Variants in TEAD1 observed in about 807,000 individuals in gnomAD.
The protein encoded by TEAD1 is TEA domain transcription factor 1.
A neutral mutation model predicts 54.9 loss-of-function variants in TEAD1; 9 were observed. The ratio of observed to expected loss-of-function variants is 0.16; its 90% confidence interval spans 0.10 to 0.29. The LOEUF (loss-of-function observed/expected upper bound fraction) is 0.29. Ranked by LOEUF, TEAD1 falls within the 10% of genes least tolerant of loss-of-function variation. TEAD1 has a pLI of 1.00. For missense variants in TEAD1, 387 were observed against 535.9 expected (o/e 0.72, Z 2.74); for synonymous variants, 200 against 187.8 (o/e 1.07, Z -0.53).
chr11:12,767,374 T>C (rs544979240), intron 3 of TEAD1, among the ~76,000 whole-genome samples: 1 of 152,326 alleles, frequency 6.6e-6, no homozygotes, highest in African/African-American at 2.4e-5. Flanking sequence ...TTGAATTCCA[T>C]GCAGTAAAAT....
intron 3 of TEAD1, among the ~76,000 whole-genome samples, chr11:12,807,384 A>G (rs548036032): frequency 1.3e-5 from 2 of 152,180 alleles, no homozygotes; most frequent in Non-Finnish European, 2.9e-5. Flanking sequence ...CAGTATGTTT[A>G]ATAGGTTAGT....
intron 3 of TEAD1, among the ~76,000 whole-genome samples, chr11:12,793,343 A>G (rs1412423256): frequency 1.3e-5 from 2 of 152,170 alleles, no homozygotes; most frequent in Non-Finnish European, 2.9e-5. Flanking sequence ...TGTCTGCTCT[A>G]CTAAAAAAGT....
At chr11:12,852,470 CAG>C (rs1345326897) in intron 3 of TEAD1, among the ~76,000 whole-genome samples, 54 of 142,014 alleles carry the variant, frequency 3.8e-4, no homozygotes, top group South Asian at 2.2e-3. Context: ...TTTTTCGAGA[CAG>C]AGTCTCACTC....
chr11:12,864,708 T>C, intron 4 of TEAD1, 130 bp from the exon 5 acceptor site: 1 of 1,591,230 alleles, frequency 6.3e-7, no homozygotes, highest in Non-Finnish European at 8.5e-7. Context: ...ATACAGGTCT[T>C]AGCAAGAAAG....
rs16911586 is a variant in TEAD1, at chr11:12,784,505, T to C, written c.202+20071T>C. ...GGAAGAAAGGCTAGGATAGAATCCA[T>C]TGGAAGCATTAAGAGTCATTGTCTT... On this transcript the variant is annotated intron_variant, in intron 3 of 12. Transcript: ENST00000527636. 4.6e-3 allele frequency among the ~76,000 whole-genome samples: 706 copies of C among 152,302 alleles called. 2 individuals carry two copies. The highest frequency in any genetic ancestry group is 0.013 in the African/African-American group (527 of 41,548).
chr11:12,712,091 C>G (rs1455476948), intron 2 of TEAD1, among the ~76,000 whole-genome samples: 3 of 152,144 alleles, frequency 2.0e-5, no homozygotes, highest in African/African-American at 7.2e-5. Context: ...GAGGGACATT[C>G]TCCATAACAG....
chr11:12,930,033 T>G, intron 11 of TEAD1, 141 bp from the exon 12 acceptor site: 1 of 886,584 alleles, frequency 1.1e-6, no homozygotes, highest in Non-Finnish European at 1.8e-6. Context: ...TTTTTTTTAA[T>G]TAAGTAGATT....
chr11:12,748,227 G>A (rs1461151698), intron 2 of TEAD1, among the ~76,000 whole-genome samples: 1 of 152,208 alleles, frequency 6.6e-6, no homozygotes, highest in African/African-American at 2.4e-5. Context: ...CTCCCAAAGT[G>A]CTGGGATTAC....
In TEAD1 at chr11:12,940,774, T is replaced by G. The variant is rs1042641560; in HGVS notation, c.*3552T>G. The G allele has an allele frequency of 2.0e-5, 3 of 152,228 alleles. No homozygotes were observed. Among genetic ancestry groups the G allele is most frequent in the African/African-American group, 4.8e-5 (2 of 41,464 alleles). 9.4% of individuals were successfully genotyped at this position (152,228 alleles called of 1,614,324 possible). On this transcript the variant is annotated 3_prime_UTR_variant, in exon 13 of 13. Coordinates refer to ENST00000527636, the MANE Select transcript of TEAD1 (RefSeq NM_021961.6). Reference sequence around the variant, plus strand: ...GTGGGTCTCATTATCAAACCTTTACTTATTTCGGCATATTTCCTCTGGGCT... The same window carrying G: ...GTGGGTCTCATTATCAAACCTTTACGTATTTCGGCATATTTCCTCTGGGCT...
At chr11:12,907,643 G>A (rs1948543504) in intron 10 of TEAD1, among the ~76,000 whole-genome samples, 1 of 152,152 alleles carries the variant, frequency 6.6e-6, no homozygotes, top group African/African-American at 2.4e-5. Flanking sequence ...TGAACCTGAC[G>A]CTTAACTGGT....
At chr11:12,774,716 A>G (rs1270863221) in intron 3 of TEAD1, among the ~76,000 whole-genome samples, 1 of 152,186 alleles carries the variant, frequency 6.6e-6, no homozygotes, top group Non-Finnish European at 1.5e-5. Flanking sequence ...AGAAAATGTA[A>G]TTATGTATGA....
intron 2 of TEAD1, among the ~76,000 whole-genome samples, chr11:12,715,181 A>C (rs998138316): frequency 4.6e-5 from 7 of 152,050 alleles, no homozygotes; most frequent in Non-Finnish European, 8.8e-5. Context: ...CATCTAACTT[A>C]GTATGATTTT....
At chr11:12,932,994 T>C (rs545883107) in intron 12 of TEAD1, among the ~76,000 whole-genome samples, 57 of 152,216 alleles carry the variant, frequency 3.7e-4, no homozygotes, top group Non-Finnish European at 6.3e-4. Flanking sequence ...TAACATGCTA[T>C]ACAGATTTGT....
In TEAD1 at chr11:12,902,070, T is replaced by C; in HGVS notation, c.830T>C (p.Phe277Ser). Residue 277 changes from phenylalanine (F) to serine (S), a missense_variant, in exon 10 of 13, where the codon TTT (phenylalanine) becomes TCT (serine). Phe to Ser is a radical substitution (Grantham distance 155). Transcript: ENST00000527636. ...AAGAAAGGTGGCTTAAAGGAACTGT[T>C]TGGAAAGGGCCCTCAAAATGCCTTC... 1 of 1,614,244 alleles carries C rather than the reference T, an allele frequency of 6.2e-7. No individual in the cohort carries two copies. Among genetic ancestry groups the C allele is most frequent in the Non-Finnish European group, 8.5e-7 (1 of 1,180,046 alleles).
chr11:12,820,819 ATTAAC>A (rs1946529152), intron 3 of TEAD1, among the ~76,000 whole-genome samples: 1 of 152,214 alleles, frequency 6.6e-6, no homozygotes, highest in Admixed American at 6.5e-5. Flanking sequence ...ATTGAGGTAC[ATTAAC>A]TTAAATAAAT....
intron 3 of TEAD1, among the ~76,000 whole-genome samples, chr11:12,819,813 A>G (rs1030167250): frequency 5.9e-5 from 9 of 152,226 alleles, no homozygotes; most frequent in African/African-American, 2.2e-4. Context: ...AACCATTTGC[A>G]GTAATGCATT....
intron 9 of TEAD1, among the ~76,000 whole-genome samples, chr11:12,900,289 G>C (rs1035703413): frequency 2.0e-5 from 3 of 151,540 alleles, no homozygotes; most frequent in Non-Finnish European, 4.4e-5. Context: ...TCAAACTCTT[G>C]GGCTTGAATG....
Position 12,769,352 on chromosome 11 carries a change from AAG to A in TEAD1, c.202+4921_202+4922del, listed in dbSNP as rs574367960. ...CATAGGAGCAGAAGTCAGAAGAGGA[AAG>A]AGGGCTTTTTAAATGAGGTAGTGGC... is the stretch of plus-strand genomic sequence containing the variant. On this transcript the variant is annotated intron_variant, in intron 3 of 12. Transcript: ENST00000527636. Among the ~76,000 whole-genome samples, 19 of 152,236 alleles carry A rather than the reference AAG, an allele frequency of 1.2e-4. No homozygotes were observed. The South Asian group carries it at 4.0e-3, about 32-fold the overall frequency.
At chr11:12,915,482 G>T (rs761243994) in intron 10 of TEAD1, among the ~76,000 whole-genome samples, 3 of 152,190 alleles carry the variant, frequency 2.0e-5, no homozygotes, top group Non-Finnish European at 4.4e-5. Flanking sequence ...AAATGGGAAG[G>T]GTCAGTCTTT....
Sources: allele counts gnomAD v4.1 joint callset (sites outside exome capture counted in the v4.1 genomes callset), GRCh38; gene constraint gnomAD v4.1.1; transcripts MANE v1.5; gene names NCBI Gene and HGNC (gene_info 2026-07-23, HGNC 2026-07-21).